UBE2R2: variants seen among roughly 807,000 people sequenced by gnomAD.
UBE2R2 encodes ubiquitin-conjugating enzyme E2 R2.
A neutral mutation model predicts 27.8 loss-of-function variants in UBE2R2; 1 was observed. That is an observed-to-expected ratio of 0.04 (90% CI 0.01 to 0.17). The LOEUF is 0.17. Ranked by LOEUF, UBE2R2 falls within the 10% of genes least tolerant of loss-of-function variation. UBE2R2 has a pLI of 1.00. For synonymous variants in UBE2R2, 106 were observed against 113.3 expected (o/e 0.94, Z 0.41); for missense variants, 100 against 291.0 (o/e 0.34, Z 4.78).
chr9:33,816,469 G>T (rs1404042223), upstream of UBE2R2, among the ~76,000 whole-genome samples: 4 of 152,336 alleles, frequency 2.6e-5, no homozygotes, highest in South Asian at 8.3e-4. Flanking sequence ...AATGAGAAGG[G>T]CTAGAGACCC....
intron 2 of UBE2R2, among the ~76,000 whole-genome samples, chr9:33,895,768 CTTTTTTT>C (rs776870484): frequency 4.4e-5 from 4 of 90,270 alleles, no homozygotes; most frequent in Non-Finnish European, 8.2e-5. Flanking sequence ...CTCTCTCTCT[CTTTTTTT>C]TTTTTTTTTT....
chr9:33,913,166 G>GGCCAA (rs1822533110), intron 4 of UBE2R2, among the ~76,000 whole-genome samples: 1 of 151,940 alleles, frequency 6.6e-6, no homozygotes, highest in South Asian at 2.1e-4. Flanking sequence ...TCACCATGTT[G>GGCCAA]GCCAAGCTAG....
rs951279072 is a variant in UBE2R2 at position 33,817,181 on chromosome 9, C to G, written c.-577C>G. ...CCCTGCTTCTCGGCTCCGTTGCTCC[C>G]GCGGCGCGAGGCGCTCTCGCTCTCC... On this transcript the variant is annotated 5_prime_UTR_variant, in exon 1 of 5. Coordinates refer to ENST00000263228, the MANE Select transcript of UBE2R2 (RefSeq NM_017811.4). Among the ~76,000 whole-genome samples the G allele has an allele frequency of 2.0e-5, 3 of 150,196 alleles. No homozygotes were observed. Among genetic ancestry groups the G allele is most frequent in the Admixed American group, 6.6e-5 (1 of 15,176 alleles).
chr9:33,872,139 C>T (rs1821498982), intron 1 of UBE2R2, among the ~76,000 whole-genome samples: 1 of 151,422 alleles, frequency 6.6e-6, no homozygotes, highest in Non-Finnish European at 1.5e-5. Context: ...GGATTACAAG[C>T]ATGAGGCACC....
chr9:33,914,349 C>T (rs754531494), intron 4 of UBE2R2, among the ~76,000 whole-genome samples: 5 of 152,090 alleles, frequency 3.3e-5, no homozygotes, highest in Non-Finnish European at 7.4e-5. Flanking sequence ...AACAGCATGA[C>T]ATGTTAAGGG....
At chr9:33,860,011 T>TG (rs1473859335) in intron 1 of UBE2R2, among the ~76,000 whole-genome samples, 1 of 152,102 alleles carries the variant, frequency 6.6e-6, no homozygotes, top group African/African-American at 2.4e-5. Flanking sequence ...CTCCCTGTGT[T>TG]GCCCGGATTG....
chr9:33,868,784 G>T (rs1314910439), intron 1 of UBE2R2: 1 of 152,158 alleles, frequency 6.6e-6, no homozygotes, highest in Non-Finnish European at 1.5e-5. Flanking sequence ...AAACTCAGCA[G>T]TGGGAATATC....
chr9:33,827,583 G>A (rs1413500976), intron 1 of UBE2R2, among the ~76,000 whole-genome samples: 1 of 151,962 alleles, frequency 6.6e-6, no homozygotes, highest in African/African-American at 2.4e-5. Context: ...GGAATTTGCA[G>A]TAAGCTGAGA....
chr9:33,862,820 A>G (rs1821270421), intron 1 of UBE2R2, among the ~76,000 whole-genome samples: 1 of 151,944 alleles, frequency 6.6e-6, no homozygotes, highest in Non-Finnish European at 1.5e-5. Flanking sequence ...TATAAACAGT[A>G]TGTTTTGTTA....
intron 4 of UBE2R2, 121 bp downstream of exon 4, chr9:33,912,219 A>G: frequency 1.1e-6 from 1 of 900,558 alleles, no homozygotes; most frequent in Non-Finnish European, 1.6e-6. Flanking sequence ...TATTAGATTT[A>G]TAGTGTGGGA....
intron 1 of UBE2R2, chr9:33,868,696 AAT>A (rs1821417102): frequency 6.6e-6 from 1 of 152,130 alleles, no homozygotes; most frequent in Non-Finnish European, 1.5e-5. Flanking sequence ...CCCCCCAAAA[AAT>A]ATGTCTTGAT....
Position 33,817,724 on chromosome 9 carries a change from C to G in UBE2R2, c.-34C>G. 6.7e-7 allele frequency: 1 copy of G among 1,482,672 alleles called. No individual in the cohort carries two copies. Among genetic ancestry groups the G allele is most frequent in the Non-Finnish European group, 9.0e-7 (1 of 1,114,046 alleles). The allele number at this position is 1,482,672 out of a possible 1,614,324, so 91.8% of individuals were successfully genotyped here. ...CGGCCGGTGCGTGAGGACTGGGGCCCGGGCCCGGCGCCGCCGCCGCCGCCG... is the reference window on the plus strand; with the variant it reads ...CGGCCGGTGCGTGAGGACTGGGGCCGGGGCCCGGCGCCGCCGCCGCCGCCG... On this transcript the variant is annotated 5_prime_UTR_variant, in exon 1 of 5. Coordinates refer to ENST00000263228, the MANE Select transcript of UBE2R2 (RefSeq NM_017811.4).
intron 2 of UBE2R2, among the ~76,000 whole-genome samples, chr9:33,890,889 A>G (rs988408435): frequency 5.9e-5 from 9 of 152,136 alleles, no homozygotes; most frequent in Admixed American, 4.6e-4. Flanking sequence ...GAATCATAAG[A>G]AACTCTTCTC....
At chr9:33,888,894 G>A (rs1192012217) in intron 2 of UBE2R2, among the ~76,000 whole-genome samples, 1 of 152,166 alleles carries the variant, frequency 6.6e-6, no homozygotes, top group African/African-American at 2.4e-5. Flanking sequence ...GTATAAATGA[G>A]CACATTGGGG....
intron 3 of UBE2R2, among the ~76,000 whole-genome samples, chr9:33,901,570 C>T (rs1375894492): frequency 2.6e-5 from 4 of 152,126 alleles, no homozygotes; most frequent in Non-Finnish European, 5.9e-5. Context: ...TTTATTCAAT[C>T]ATTTGTTAAA....
intron 3 of UBE2R2, among the ~76,000 whole-genome samples, chr9:33,906,666 G>A (rs1372446639): frequency 1.3e-5 from 2 of 152,120 alleles, no homozygotes; most frequent in African/African-American, 4.8e-5. Context: ...ACAGAGAAAG[G>A]GTTATCGACA....
intron 1 of UBE2R2, among the ~76,000 whole-genome samples, chr9:33,877,848 T>TCTCTCTCC (rs1554675202): frequency 2.0e-5 from 3 of 151,346 alleles, no homozygotes; most frequent in African/African-American, 7.3e-5. Flanking sequence ...TCTCTCTCTC[T>TCTCTCTCC]CCCACTCTCC....
chr9:33,885,616 TTGAA>T, intron 1 of UBE2R2, among the ~76,000 whole-genome samples: 3 of 152,332 alleles, frequency 2.0e-5, no homozygotes, highest in Middle Eastern at 6.8e-3. Flanking sequence ...GGTTTTTACT[TTGAA>T]TGTGTTTTAA....
At chr9:33,818,407 T>C (rs1825880092) in intron 1 of UBE2R2, among the ~76,000 whole-genome samples, 1 of 150,942 alleles carries the variant, frequency 6.6e-6, no homozygotes, top group Non-Finnish European at 1.5e-5. Context: ...GGGCACCAGC[T>C]TGTCATTTCA....
Sources: gnomAD v4.1 joint callset for allele counts (sites outside exome capture counted in the v4.1 genomes callset) on GRCh38, gnomAD v4.1.1 for gene constraint, MANE v1.5 for transcripts, NCBI Gene and HGNC (gene_info 2026-07-23, HGNC 2026-07-21) for gene names.